The following VSTM2L variants were observed in gnomAD, a reference collection of about 807,000 sequenced individuals.
VSTM2L encodes the protein V-set and transmembrane domain-containing protein 2-like protein.
In VSTM2L, 9 loss-of-function variants were observed where a neutral mutation model predicts 19.9. That is an observed-to-expected ratio of 0.45 (90% CI 0.27 to 0.79). The LOEUF (loss-of-function observed/expected upper bound fraction) is 0.79. Ranked by LOEUF, VSTM2L falls within the 30% of genes least tolerant of loss-of-function variation. VSTM2L has a pLI of 0.15. For missense variants in VSTM2L, 286 were observed against 295.5 expected (o/e 0.97, Z 0.24); for synonymous variants, 127 against 133.8 (o/e 0.95, Z 0.35).
At chr20:37,909,955 T>C (rs1277477667) in intron 1 of VSTM2L, among the ~76,000 whole-genome samples, 1 of 152,148 alleles carries the variant, frequency 6.6e-6, no homozygotes, top group Non-Finnish European at 1.5e-5. Context: ...CTGCTGCTCC[T>C]CCAGGTTCCC....
At chr20:37,912,807 G>A (rs1423795767) in intron 1 of VSTM2L, among the ~76,000 whole-genome samples, 2 of 152,114 alleles carry the variant, frequency 1.3e-5, no homozygotes, top group African/African-American at 2.4e-5. Flanking sequence ...CTTACTCTCT[G>A]GATCTCTCTC....
At chr20:37,933,654 A>T in intron 3 of VSTM2L, 65 bp downstream of exon 3, 1 of 1,557,568 alleles carries the variant, frequency 6.4e-7, no homozygotes, top group Non-Finnish European at 8.8e-7. Context: ...CTTAAAAAAA[A>T]ATTGGGGTCC....
intron 1 of VSTM2L, among the ~76,000 whole-genome samples, chr20:37,929,217 G>T (rs1475697123): frequency 6.6e-6 from 1 of 152,234 alleles, no homozygotes; most frequent in Non-Finnish European, 1.5e-5. Flanking sequence ...TGAGGAAAGG[G>T]TGTTCCAGGC....
intron 1 of VSTM2L, among the ~76,000 whole-genome samples, chr20:37,928,644 A>G (rs2072891867): frequency 6.6e-6 from 1 of 152,012 alleles, no homozygotes; most frequent in Non-Finnish European, 1.5e-5. Flanking sequence ...AGTTCCAGCT[A>G]CTCGGGGGGC....
At position 37,944,038 on chromosome 20, in the gene VSTM2L, C is replaced by G; in HGVS notation, c.400C>G (p.Pro134Ala). ...CAAGCTGCGCCTGTCCCGGGTGAAGCCCACGGACGAAGGCACCTACGAGTG... is the reference window on the plus strand; with the variant it reads ...CAAGCTGCGCCTGTCCCGGGTGAAGGCCACGGACGAAGGCACCTACGAGTG... Reference protein sequence around the residue: ...SHKLRLSRVKPTDEGTYECRV... With the variant: ...SHKLRLSRVKATDEGTYECRV... Residue 134 changes from proline (P) to alanine (A), a missense_variant, in exon 4 of 4, where the codon CCC becomes GCC. Coordinates refer to ENST00000373461, the MANE Select transcript of VSTM2L (RefSeq NM_080607.3). The G allele has an allele frequency of 6.2e-7, 1 of 1,609,842 alleles. No homozygotes were observed. The highest frequency in any genetic ancestry group is 8.5e-7 in the Non-Finnish European group (1 of 1,177,032).
chr20:37,916,428 AC>A (rs1402630959), intron 1 of VSTM2L, among the ~76,000 whole-genome samples: 8 of 152,222 alleles, frequency 5.3e-5, no homozygotes, highest in African/African-American at 1.9e-4. Context: ...CACTGGGGAA[AC>A]CTGCTCAACT....
At chr20:37,936,877 C>G (rs537708842) in intron 3 of VSTM2L, among the ~76,000 whole-genome samples, 1 of 151,890 alleles carries the variant, frequency 6.6e-6, no homozygotes, top group South Asian at 2.1e-4. Flanking sequence ...ATTTGTGACT[C>G]GTAAAACTCC....
At chr20:37,909,692 G>A (rs957112994) in intron 1 of VSTM2L, among the ~76,000 whole-genome samples, 4 of 152,214 alleles carry the variant, frequency 2.6e-5, no homozygotes, top group Non-Finnish European at 5.9e-5. Flanking sequence ...CTTGCAGTGG[G>A]TGGGCCCAGG....
chr20:37,922,567 C>T (rs1242655136), intron 1 of VSTM2L, among the ~76,000 whole-genome samples: 7 of 152,162 alleles, frequency 4.6e-5, no homozygotes, highest in African/African-American at 1.7e-4. Flanking sequence ...GCTGCCCCTG[C>T]CACCAGTCCC....
At position 37,945,239 on chromosome 20, in the gene VSTM2L, T is replaced by C. The variant is rs2073002178; in HGVS notation, c.*986T>C. On this transcript the variant is annotated 3_prime_UTR_variant, in exon 4 of 4. Transcript: ENST00000373461. ...ACCTCTGGCTGCCGCAGCTCAGTGA[T>C]GACGTGGGGGAGGTGGGAGAGGCCG... is the stretch of plus-strand genomic sequence containing the variant. 2 of 985,394 alleles carry C rather than the reference T, an allele frequency of 2.0e-6. No individual in the cohort carries two copies. Among genetic ancestry groups the C allele is most frequent in the African/African-American group, 3.5e-5 (2 of 57,220 alleles). 61.0% of individuals were successfully genotyped at this position (985,394 alleles called of 1,614,324 possible). A position where few individuals can be genotyped will look rare whatever the true frequency, so the allele number is the denominator to read the frequency against.
chr20:37,927,747 T>C (rs1173997799), intron 1 of VSTM2L, among the ~76,000 whole-genome samples: 1 of 152,048 alleles, frequency 6.6e-6, no homozygotes, highest in African/African-American at 2.4e-5. Flanking sequence ...TGGGGATGAA[T>C]TGGAGGCCTG....
At chr20:37,925,316 CCTT>C (rs1279666569) in intron 1 of VSTM2L, among the ~76,000 whole-genome samples, 1 of 152,146 alleles carries the variant, frequency 6.6e-6, no homozygotes, top group East Asian at 1.9e-4. Flanking sequence ...ATCACTTTCT[CCTT>C]CTGATGATCT....
chr20:37,930,287 G>A (rs191084926), intron 1 of VSTM2L, among the ~76,000 whole-genome samples: 3 of 152,206 alleles, frequency 2.0e-5, no homozygotes, highest in Non-Finnish European at 4.4e-5. Context: ...GATGAGAGAG[G>A]TGGCCCCAGA....
At chr20:37,924,400 A>G (rs1284630774) in intron 1 of VSTM2L, among the ~76,000 whole-genome samples, 1 of 151,008 alleles carries the variant, frequency 6.6e-6, no homozygotes, top group African/African-American at 2.5e-5. Flanking sequence ...TAAAAATACA[A>G]TAATTAGCTG....
chr20:37,927,830 A>G (rs1339650378), intron 1 of VSTM2L, among the ~76,000 whole-genome samples: 1 of 152,048 alleles, frequency 6.6e-6, no homozygotes, highest in Admixed American at 6.5e-5. Context: ...CACTCATGAG[A>G]CGCACACACA....
Position 37,943,961 on chromosome 20 carries a change from G to A in VSTM2L, c.343-20G>A, listed in dbSNP as rs2072990122. The A allele has an allele frequency of 2.8e-6, 4 of 1,433,164 alleles. No homozygotes were observed. The highest frequency in any genetic ancestry group is 1.6e-5 in the African/African-American group (1 of 62,410). The allele number at this position is 1,433,164 out of a possible 1,614,324, so 88.8% of individuals were successfully genotyped here. A position where few individuals can be genotyped will look rare whatever the true frequency, so the allele number is the denominator to read the frequency against. Reference sequence around the variant, plus strand: ...CACTGTCACTGGATGGACAGGTCACGGTCTCTCTGTCACCCCCAGGTGGTC... The same window carrying A: ...CACTGTCACTGGATGGACAGGTCACAGTCTCTCTGTCACCCCCAGGTGGTC... On this transcript the variant is annotated intron_variant, in intron 3 of 3. Transcript: ENST00000373461.
intron 1 of VSTM2L, among the ~76,000 whole-genome samples, chr20:37,919,376 A>G (rs2072837802): frequency 6.6e-6 from 1 of 152,204 alleles, no homozygotes; most frequent in African/African-American, 2.4e-5. Context: ...GCTACCCAGA[A>G]AGAAACAAAG....
intron 1 of VSTM2L, among the ~76,000 whole-genome samples, chr20:37,913,169 G>A (rs2072790704): frequency 6.6e-6 from 1 of 152,176 alleles, no homozygotes; most frequent in Non-Finnish European, 1.5e-5. Context: ...ACTGACGCTT[G>A]TCTACACTGG....
At chr20:37,943,697 C>A (rs2072987342) in intron 3 of VSTM2L, among the ~76,000 whole-genome samples, 1 of 152,112 alleles carries the variant, frequency 6.6e-6, no homozygotes, top group South Asian at 2.1e-4. Context: ...CTGCTGTTTG[C>A]CACTGAGCTC....
Sources: allele counts gnomAD v4.1 joint callset (sites outside exome capture counted in the v4.1 genomes callset), GRCh38; gene constraint gnomAD v4.1.1; transcripts MANE v1.5; gene names NCBI Gene and HGNC (gene_info 2026-07-23, HGNC 2026-07-21).